NKAIN4: variants seen among roughly 807,000 people sequenced by gnomAD.
NKAIN4 encodes the protein sodium/potassium-transporting ATPase subunit beta-1-interacting protein 4.
A neutral mutation model predicts 28.8 loss-of-function variants in NKAIN4; 28 were observed. The observed-to-expected ratio is 0.97, with a 90% CI of 0.72 to 1.33. The LOEUF (loss-of-function observed/expected upper bound fraction) is 1.33, where lower values mean the gene tolerates loss of function less well. Among genes scored for constraint, NKAIN4 ranks in the 40% most tolerant of loss-of-function variants. NKAIN4 has a pLI of 0.00. For missense variants in NKAIN4, 289 were observed against 277.2 expected (o/e 1.04, Z -0.30); for synonymous variants, 122 against 115.6 (o/e 1.06, Z -0.36).
At chr20:63,244,887 C>T (rs1465049567) in intron 4 of NKAIN4, among the ~76,000 whole-genome samples, 1 of 152,030 alleles carries the variant, frequency 6.6e-6, no homozygotes, top group Non-Finnish European at 1.5e-5. Flanking sequence ...CTGGAGGGAC[C>T]CCGGAACGAG....
intron 4 of NKAIN4, among the ~76,000 whole-genome samples, chr20:63,246,224 A>G (rs11906127): frequency 0.36 from 54,477 of 152,058 alleles, 10,777 homozygotes; most frequent in African/African-American, 0.53. Flanking sequence ...CACCGCACCC[A>G]GCCTAGCTTC....
chr20:63,246,146 T>A (rs2066852609), intron 4 of NKAIN4, among the ~76,000 whole-genome samples: 1 of 152,178 alleles, frequency 6.6e-6, no homozygotes, highest in Non-Finnish European at 1.5e-5. Flanking sequence ...GCCAGGATGG[T>A]CTCAGTCTCC....
chr20:63,246,833 C>CT, intron 4 of NKAIN4: 1 of 985,492 alleles, frequency 1.0e-6, no homozygotes, highest in Non-Finnish European at 1.2e-6. Flanking sequence ...GAGGAAGGCA[C>CT]TGACACCATC....
intron 6 of NKAIN4, among the ~76,000 whole-genome samples, chr20:63,242,266 C>A (rs1334437154): frequency 1.3e-5 from 2 of 152,070 alleles, no homozygotes; most frequent in Non-Finnish European, 2.9e-5. Context: ...GACTCAGAGC[C>A]GACTCCTGGA....
intron 3 of NKAIN4, 144 bp downstream of exon 3, chr20:63,248,671 T>G (rs963581904): frequency 3.3e-5 from 21 of 644,194 alleles, no homozygotes; most frequent in Middle Eastern, 2.5e-4. Flanking sequence ...AGACCAGGGC[T>G]GTTCTGGGTG....
Position 63,252,492 on chromosome 20 carries a change from C to A in NKAIN4, c.54+1905G>T, listed in dbSNP as rs993993318. 1.3e-5 allele frequency among the ~76,000 whole-genome samples: 2 copies of A among 152,142 alleles called. No individual in the cohort carries two copies. The highest frequency in any genetic ancestry group is 1.5e-5 in the Non-Finnish European group (1 of 67,996). ...AAAAAAAGGGGCTATCCAACAACCC[C>A]GCCCTTCCTCCCGGGCCCCCTACCC... On this transcript the variant is annotated intron_variant, in intron 1 of 6. Transcript: ENST00000370316. This position sits in a 1 kb window ranked among gnomAD's most constrained non-coding sequence, Gnocchi z 4.6.
chr20:63,242,997 G>T (rs1027141546), intron 5 of NKAIN4, among the ~76,000 whole-genome samples: 1 of 152,202 alleles, frequency 6.6e-6, no homozygotes, highest in African/African-American at 2.4e-5. Flanking sequence ...TGCAGGGGCT[G>T]CACCGTGTTC....
At chr20:63,243,282 C>T (rs1026580223) in intron 5 of NKAIN4, among the ~76,000 whole-genome samples, 8 of 152,244 alleles carry the variant, frequency 5.3e-5, no homozygotes, top group African/African-American at 9.6e-5. Flanking sequence ...GGGCATTCCT[C>T]GCCTCTGGAA....
At chr20:63,244,585 G>A (rs1054063402) in intron 4 of NKAIN4, 1 of 469,926 alleles carries the variant, frequency 2.1e-6, no homozygotes, top group African/African-American at 2.0e-5. Flanking sequence ...ACAGGCTGAG[G>A]ACTCGGGGTC....
Position 63,252,848 on chromosome 20 carries a change from C to G in NKAIN4, c.54+1549G>C, listed in dbSNP as rs1293741148. On this transcript the variant is annotated intron_variant, in intron 1 of 6. Transcript: ENST00000370316. This position sits in a 1 kb window ranked among gnomAD's most constrained non-coding sequence, Gnocchi z 4.6. ...AACGGGAACATGACCCCACCCGCCC[C>G]TCTGCACCCTGAGGTCACATCCGAC... is the stretch of plus-strand genomic sequence containing the variant. 6.6e-6 allele frequency among the ~76,000 whole-genome samples: 1 copy of G among 152,238 alleles called. No homozygotes were observed. The highest frequency in any genetic ancestry group is 1.5e-5 in the Non-Finnish European group (1 of 68,040).
Position 63,248,790 on chromosome 20 carries a change from G to T in NKAIN4, c.273+25C>A, listed in dbSNP as rs199879209. ...GGCCCAGACCCCAGGGAAGGACCTC[G>T]CGCTGCCTCCCAGTCTGCACTCACC... On this transcript the variant is annotated intron_variant, in intron 3 of 6. Coordinates refer to ENST00000370316, the MANE Select transcript of NKAIN4 (RefSeq NM_152864.4). 3.9e-6 allele frequency: 6 copies of T among 1,533,524 alleles called. No individual in the cohort carries two copies. In the Admixed American group the frequency reaches 1.0e-4, roughly 26 times the overall value. 95.0% of individuals were successfully genotyped at this position (1,533,524 alleles called of 1,614,324 possible).
At chr20:63,249,002 C>A in intron 2 of NKAIN4, 107 bp from the exon 3 acceptor site, 1 of 757,054 alleles carries the variant, frequency 1.3e-6, no homozygotes, top group Non-Finnish European at 2.3e-6. Context: ...GGAGGGGCGG[C>A]CTCTGCTCCT....
Position 63,247,727 on chromosome 20 carries a change from G to A in NKAIN4, c.322C>T (p.Arg108Cys), listed in dbSNP as rs766062224. The A allele has an allele frequency of 1.2e-5, 18 of 1,494,918 alleles. No homozygotes were observed. In the Admixed American group the frequency reaches 1.6e-4, roughly 13 times the overall value. The allele number at this position is 1,494,918 out of a possible 1,614,324, so 92.6% of individuals were successfully genotyped here. A position where few individuals can be genotyped will look rare whatever the true frequency, so the allele number is the denominator to read the frequency against. ...TGCAGACAGCCTGGCCAGCGCTCAC[G>A]CCACCAGGAGCGATGCCGGGAGAGG... is the stretch of plus-strand genomic sequence containing the variant. ...FSLSRHRSWW[R>C]ERWPGCLHEE... Residue 108 changes from arginine to cysteine, a missense_variant, in exon 4 of 7, where the codon CGT becomes TGT. Transcript: ENST00000370316.
chr20:63,243,207 GTGA>G (rs1348029963), intron 5 of NKAIN4, among the ~76,000 whole-genome samples: 1 of 152,210 alleles, frequency 6.6e-6, no homozygotes, highest in African/African-American at 2.4e-5. Context: ...TGAGCTCTGA[GTGA>G]TGGTTTAGGA....
At position 63,249,168 on chromosome 20, in the gene NKAIN4, A is replaced by G. The variant is rs188990098; in HGVS notation, c.193-273T>C. 429 of 463,824 alleles carry G rather than the reference A, an allele frequency of 9.2e-4. 11 individuals carry two copies. In the East Asian group the frequency reaches 0.018, roughly 20 times the overall value. 28.7% of individuals were successfully genotyped at this position (463,824 alleles called of 1,614,324 possible). A position where few individuals can be genotyped will look rare whatever the true frequency, so the allele number is the denominator to read the frequency against. On this transcript the variant is annotated intron_variant, in intron 2 of 6. Transcript: ENST00000370316. Reference sequence around the variant, plus strand: ...CCAGCGCAGGTCGGCGTACGGACACAGCATCCCTGGCTGAGCTGCCGTGAC... The same window carrying G: ...CCAGCGCAGGTCGGCGTACGGACACGGCATCCCTGGCTGAGCTGCCGTGAC...
intron 2 of NKAIN4, 197 bp from the exon 3 acceptor site, chr20:63,249,092 C>T (rs1001473942): frequency 1.8e-6 from 1 of 566,508 alleles, no homozygotes. Flanking sequence ...AGAGCTTTCC[C>T]ACGTGGGTGC....
At chr20:63,254,702 C>T (rs948525842), upstream of NKAIN4, 1 of 293,972 alleles carries the variant, frequency 3.4e-6, no homozygotes, top group Non-Finnish European at 6.2e-6. Flanking sequence ...GGCGATGGCG[C>T]GGCCTCTCGG....
At chr20:63,242,238 G>A (rs1448109666) in intron 6 of NKAIN4, among the ~76,000 whole-genome samples, 1 of 152,046 alleles carries the variant, frequency 6.6e-6, no homozygotes, top group East Asian at 1.9e-4. Flanking sequence ...GGCTCTTCAG[G>A]ACACCCTTGC....
chr20:63,252,130 G>A lies in NKAIN4; in HGVS notation c.55-2058C>T, dbSNP rs1470824592. The stretch of plus-strand genomic sequence containing the variant: ...CAGAATGGAGACCCTGCAGCACAGA[G>A]GGGCTGGGGGCGTCTTTTTCATCTC... On this transcript the variant is annotated intron_variant, in intron 1 of 6. Transcript: ENST00000370316. This position sits in a 1 kb window ranked among gnomAD's most constrained non-coding sequence, Gnocchi z 4.6. Among the ~76,000 whole-genome samples, 1 of 152,208 alleles carries A rather than the reference G, an allele frequency of 6.6e-6. No homozygotes were observed. Among genetic ancestry groups the A allele is most frequent in the Admixed American group, 6.5e-5 (1 of 15,286 alleles).
Sources: allele counts gnomAD v4.1 joint callset (sites outside exome capture counted in the v4.1 genomes callset), GRCh38; gene constraint gnomAD v4.1.1; non-coding constraint Gnocchi (gnomAD v3.1); transcripts MANE v1.5; gene names NCBI Gene and HGNC (gene_info 2026-07-23, HGNC 2026-07-21).